Variants in HPSE2 observed in about 807,000 individuals in gnomAD.
The protein encoded by HPSE2 is heparanase 2 (inactive).
In HPSE2, 38 loss-of-function variants were observed where a neutral mutation model predicts 60.5. The observed-to-expected ratio is 0.63, with a 90% CI of 0.48 to 0.82. The LOEUF (loss-of-function observed/expected upper bound fraction) is 0.82, where lower values mean the gene tolerates loss of function less well. HPSE2 is among the 40% of genes least tolerant of loss of function. The pLI, the probability that HPSE2 is intolerant of heterozygous loss-of-function variation, is 0.00. For synonymous variants in HPSE2, 295 were observed against 293.2 expected, an observed-to-expected ratio of 1.01 and a Z score of -0.06; for missense variants, 713 against 740.4, an observed-to-expected ratio of 0.96 and a Z score of 0.43.
chr10:98,792,653 A>AAAC (rs1052476433), intron 3 of HPSE2, among the ~76,000 whole-genome samples: 1 of 151,964 alleles, frequency 6.6e-6, no homozygotes, highest in African/African-American at 2.4e-5. Context: ...AAAAAAAAAA[A>AAAC]AAACACGAAG....
chr10:99,067,847 G>A (rs1230994835), intron 3 of HPSE2, among the ~76,000 whole-genome samples: 1 of 152,188 alleles, frequency 6.6e-6, no homozygotes, highest in African/African-American at 2.4e-5. Flanking sequence ...TTTCTCCTCA[G>A]AAAATGGGTT....
chr10:98,698,200 C>T (rs1429737376), intron 5 of HPSE2, among the ~76,000 whole-genome samples: 242 of 128,868 alleles, frequency 1.9e-3, no homozygotes, highest in South Asian at 4.4e-3. Context: ...TTTTTCAGCA[C>T]CACACCACAC....
At chr10:98,557,164 G>A (rs1944035433) in intron 9 of HPSE2, among the ~76,000 whole-genome samples, 1 of 152,006 alleles carries the variant, frequency 6.6e-6, no homozygotes, top group Non-Finnish European at 1.5e-5. Context: ...AGTGAGCCGA[G>A]ATCGCACCAC....
At chr10:99,214,500 T>G (rs931968252) in intron 2 of HPSE2, among the ~76,000 whole-genome samples, 1 of 152,230 alleles carries the variant, frequency 6.6e-6, no homozygotes, top group African/African-American at 2.4e-5. Flanking sequence ...TGGAATATAA[T>G]TTAGTCATAA....
At position 99,178,062 on chromosome 10, in the gene HPSE2, T is replaced by C. The variant is rs1469268144; in HGVS notation, c.449-33663A>G. On this transcript the variant is annotated intron_variant, in intron 2 of 11. Transcript: ENST00000370552. ...ATGAAGGCAGATATAAATAAGTTCT[T>C]TGAAACCAATGAGAACAGACACAAA... is the stretch of plus-strand genomic sequence containing the variant. Among the ~76,000 whole-genome samples, 3 of 152,074 alleles carry C rather than the reference T, an allele frequency of 2.0e-5. No individual in the cohort carries two copies. In the East Asian group the frequency reaches 5.8e-4, roughly 30 times the overall value.
At chr10:98,726,031 T>C (rs970881356) in intron 4 of HPSE2, among the ~76,000 whole-genome samples, 19 of 152,304 alleles carry the variant, frequency 1.2e-4, no homozygotes, top group South Asian at 2.1e-4. Flanking sequence ...TTTTACACCA[T>C]TGGTGGGACT....
At chr10:99,086,497 C>T (rs1589633155) in intron 3 of HPSE2, among the ~76,000 whole-genome samples, 1 of 149,398 alleles carries the variant, frequency 6.7e-6, no homozygotes, top group East Asian at 2.0e-4. Context: ...GGACTACAGG[C>T]GCCCGCCACT....
chr10:98,758,353 A>T (rs928031511), intron 3 of HPSE2, among the ~76,000 whole-genome samples: 2 of 151,790 alleles, frequency 1.3e-5, no homozygotes, highest in South Asian at 4.1e-4. Context: ...TAATTAAACT[A>T]AAGAGCTTCT....
intron 3 of HPSE2, among the ~76,000 whole-genome samples, chr10:98,891,666 AGCTGATC>A (rs1352442893): frequency 6.6e-6 from 1 of 152,014 alleles, no homozygotes; most frequent in Non-Finnish European, 1.5e-5. Context: ...GTGTTGCCCA[AGCTGATC>A]TTGAACTCCT....
intron 6 of HPSE2, among the ~76,000 whole-genome samples, chr10:98,677,694 C>T (rs929927913): frequency 6.6e-6 from 1 of 152,108 alleles, no homozygotes; most frequent in Non-Finnish European, 1.5e-5. Context: ...ACTTGAAAGA[C>T]CTTGTTGTTT....
intron 7 of HPSE2, among the ~76,000 whole-genome samples, chr10:98,630,585 A>G (rs1946343104): frequency 6.6e-6 from 1 of 150,778 alleles, no homozygotes; most frequent in Non-Finnish European, 1.5e-5. Context: ...TTCAAATGTT[A>G]TTTCCTCTGT....
At chr10:98,620,297 GA>G (rs1275812367) in intron 8 of HPSE2, among the ~76,000 whole-genome samples, 2 of 152,150 alleles carry the variant, frequency 1.3e-5, no homozygotes, top group Non-Finnish European at 2.9e-5. Context: ...AATTGGCTTA[GA>G]AAATGTATGT....
chr10:98,897,889 A>G (rs949029327), intron 3 of HPSE2, among the ~76,000 whole-genome samples: 1 of 152,140 alleles, frequency 6.6e-6, no homozygotes, highest in African/African-American at 2.4e-5. Flanking sequence ...AAAAGATATC[A>G]TTAATGGAAC....
At chr10:99,232,177 C>G (rs1849665640) in intron 2 of HPSE2, among the ~76,000 whole-genome samples, 171 bp downstream of exon 2, 1 of 151,784 alleles carries the variant, frequency 6.6e-6, no homozygotes, top group African/African-American at 2.4e-5. Flanking sequence ...GAGGTGCAAC[C>G]AGGCTCTCCA....
At chr10:99,088,707 T>G (rs942323068) in intron 3 of HPSE2, among the ~76,000 whole-genome samples, 8 of 152,214 alleles carry the variant, frequency 5.3e-5, no homozygotes, top group Non-Finnish European at 4.4e-5. Flanking sequence ...TATTTTCCTC[T>G]GGGTAGATAC....
chr10:99,210,647 T>C (rs1848923191), intron 2 of HPSE2, among the ~76,000 whole-genome samples: 1 of 152,154 alleles, frequency 6.6e-6, no homozygotes, highest in Non-Finnish European at 1.5e-5. Flanking sequence ...TTACACCATA[T>C]TAATAGAATG....
intron 3 of HPSE2, among the ~76,000 whole-genome samples, chr10:98,931,782 G>T (rs1954646919): frequency 7.0e-6 from 1 of 143,474 alleles, no homozygotes; most frequent in Non-Finnish European, 1.5e-5. Context: ...TGTTGTTGGT[G>T]TATAGGAATG....
intron 3 of HPSE2, among the ~76,000 whole-genome samples, chr10:99,093,835 A>G (rs1489295160): frequency 3.3e-5 from 5 of 152,084 alleles, no homozygotes; most frequent in Admixed American, 3.3e-4. Flanking sequence ...CTCTTAATCT[A>G]TTTTTATTTA....
intron 3 of HPSE2, among the ~76,000 whole-genome samples, chr10:99,001,075 T>C (rs928428003): frequency 1.3e-5 from 2 of 152,130 alleles, no homozygotes; most frequent in African/African-American, 2.4e-5. Flanking sequence ...TTTTAATATG[T>C]TTATTATCTG....
Sources: gnomAD v4.1 joint callset for allele counts (sites outside exome capture counted in the v4.1 genomes callset) on GRCh38, gnomAD v4.1.1 for gene constraint, MANE v1.5 for transcripts, NCBI Gene and HGNC (gene_info 2026-07-23, HGNC 2026-07-21) for gene names.